Variants in DSCAM observed in about 807,000 individuals in gnomAD.
The protein encoded by DSCAM is DS cell adhesion molecule.
Under a neutral mutation model 217.7 loss-of-function variants are expected in DSCAM, and 47 were observed. The observed-to-expected ratio is 0.22, with a 90% CI of 0.17 to 0.28. The LOEUF is 0.28. Among genes scored for constraint, DSCAM ranks in the 10% least tolerant of loss-of-function variants. The pLI, the probability that DSCAM is intolerant of heterozygous loss-of-function variation, is 1.00. For missense variants in DSCAM, 2,080 were observed against 2,618.3 expected (o/e 0.79, Z 4.49); for synonymous variants, 1,056 against 1,015.3 (o/e 1.04, Z -0.76).
At chr21:40,114,592 A>T (rs2089943863) in intron 20 of DSCAM, among the ~76,000 whole-genome samples, 1 of 152,232 alleles carries the variant, frequency 6.6e-6, no homozygotes. Context: ...GAGCTTCTGC[A>T]CAGCAAAAGA....
intron 11 of DSCAM, among the ~76,000 whole-genome samples, chr21:40,208,578 G>A (rs2091150136): frequency 6.6e-6 from 1 of 152,166 alleles, no homozygotes; most frequent in Non-Finnish European, 1.5e-5. Context: ...AGTGCTGCAT[G>A]CTCTCATATT....
At chr21:40,329,300 A>G (rs896258971) in intron 8 of DSCAM, among the ~76,000 whole-genome samples, 2 of 152,216 alleles carry the variant, frequency 1.3e-5, no homozygotes, top group South Asian at 2.1e-4. Flanking sequence ...ATTAAAAAAT[A>G]TATGGTATAC....
intron 3 of DSCAM, among the ~76,000 whole-genome samples, chr21:40,684,738 A>G (rs1311245355): frequency 6.6e-6 from 1 of 152,176 alleles, no homozygotes; most frequent in Non-Finnish European, 1.5e-5. Flanking sequence ...TAGCTTGTCG[A>G]TAATAATAAT....
chr21:40,580,544 A>C (rs543206506), intron 3 of DSCAM, among the ~76,000 whole-genome samples: 2 of 152,084 alleles, frequency 1.3e-5, no homozygotes, highest in African/African-American at 4.8e-5. Context: ...GTCTCAAAAA[A>C]AAACAAAACA....
intron 3 of DSCAM, among the ~76,000 whole-genome samples, chr21:40,503,961 G>T (rs895853603): frequency 2.0e-5 from 3 of 152,134 alleles, no homozygotes; most frequent in African/African-American, 4.8e-5. Flanking sequence ...CTGACTAGTG[G>T]AACCTCTCTT....
At chr21:40,627,478 G>A (rs2089617283) in intron 3 of DSCAM, among the ~76,000 whole-genome samples, 1 of 152,168 alleles carries the variant, frequency 6.6e-6, no homozygotes, top group Non-Finnish European at 1.5e-5. Context: ...TTAAAAGCTA[G>A]TAATTTTCTT....
At chr21:40,827,482 A>AAG (rs149491316) in intron 1 of DSCAM, among the ~76,000 whole-genome samples, 8,508 of 137,062 alleles carry the variant, frequency 0.062, 304 homozygotes, top group South Asian at 0.11. Context: ...AAAAAAAAAA[A>AAG]AAAAGAAAAG....
chr21:40,338,176 C>T lies in DSCAM; in HGVS notation c.1708G>A (p.Glu570Lys), dbSNP rs2074448541. The T allele has an allele frequency of 6.2e-7, 1 of 1,614,276 alleles. No individual in the cohort carries two copies. The highest frequency in any genetic ancestry group is 8.5e-7 in the Non-Finnish European group (1 of 1,180,052). The change falls in exon 8 of 33, where the codon GAG (glutamate) becomes AAG (lysine). Residue 570 changes from glutamate (E) to lysine (K), a missense_variant. Around this residue, in one of 5 missense-constraint regions of DSCAM, gnomAD observed 218 missense variants for 364.1 expected, o/e 0.60. Coordinates refer to ENST00000400454, the MANE Select transcript of DSCAM (RefSeq NM_001389.5). ...KLSDVQKEVD[E>K]GEYTCNVLVQ... The stretch of plus-strand genomic sequence containing the variant: ...AACACGTTGCACGTGTACTCCCCCT[C>T]GTCCACTTCCTTTTGCACATCTGAA...
intron 3 of DSCAM, among the ~76,000 whole-genome samples, chr21:40,661,244 G>A (rs1292384474): frequency 6.6e-6 from 1 of 152,148 alleles, no homozygotes; most frequent in African/African-American, 2.4e-5. Flanking sequence ...CGTTGCAGAG[G>A]TTTCAAGATG....
Position 40,332,955 on chromosome 21 carries a change from G to T in DSCAM, c.1783+5146C>A, listed in dbSNP as rs570080110. Among the ~76,000 whole-genome samples, 9 of 152,190 alleles carry T rather than the reference G, an allele frequency of 5.9e-5. No individual in the cohort carries two copies. In the East Asian group the frequency reaches 1.7e-3, roughly 29 times the overall value. ...TTCCGCTATATCCAGTATTTAAAACGAACCTCCTGGGGACAAGATAACAAT... is the reference window on the plus strand; with the variant it reads ...TTCCGCTATATCCAGTATTTAAAACTAACCTCCTGGGGACAAGATAACAAT... On this transcript the variant is annotated intron_variant, in intron 8 of 32. Coordinates refer to ENST00000400454, the MANE Select transcript of DSCAM (RefSeq NM_001389.5).
chr21:40,181,182 G>T (rs1393062393), intron 14 of DSCAM, among the ~76,000 whole-genome samples: 1 of 151,810 alleles, frequency 6.6e-6, no homozygotes, highest in African/African-American at 2.4e-5. Flanking sequence ...TTACGCCTAA[G>T]AACTTTTTTA....
intron 10 of DSCAM, among the ~76,000 whole-genome samples, chr21:40,295,574 A>C (rs1420209696): frequency 6.6e-6 from 1 of 152,194 alleles, no homozygotes; most frequent in African/African-American, 2.4e-5. Flanking sequence ...GATGACGTGT[A>C]ATCTGTATAT....
At chr21:40,555,583 C>A (rs2076664914) in intron 3 of DSCAM, among the ~76,000 whole-genome samples, 1 of 152,258 alleles carries the variant, frequency 6.6e-6, no homozygotes, top group African/African-American at 2.4e-5. Context: ...AACGTTTATT[C>A]TAAATGTGAA....
chr21:40,342,648 A>AT lies in DSCAM; in HGVS notation c.1211-3234dup, dbSNP rs1202355440. 2.3e-3 allele frequency among the ~76,000 whole-genome samples: 184 copies of AT among 80,308 alleles called. 2 individuals carry two copies. Among genetic ancestry groups the AT allele is most frequent in the African/African-American group, 5.2e-3 (99 of 19,186 alleles). The allele number at this position is 80,308 out of a possible 152,430, so 52.7% of individuals were successfully genotyped here. On this transcript the variant is annotated intron_variant, in intron 6 of 32. Coordinates refer to ENST00000400454, the MANE Select transcript of DSCAM (RefSeq NM_001389.5). ...TGTGTATATATATATATATATATATATTTTTTTTTTTTTTTTGAGACAGTG... is the reference window on the plus strand; with the variant it reads ...TGTGTATATATATATATATATATATATTTTTTTTTTTTTTTTTGAGACAGTG...
chr21:40,135,440 AG>A (rs534443882), intron 18 of DSCAM, among the ~76,000 whole-genome samples: 17 of 152,234 alleles, frequency 1.1e-4, no homozygotes, highest in Non-Finnish European at 2.1e-4. Context: ...TTTACAGACA[AG>A]GAAGTCGAGG....
At chr21:40,469,935 C>G (rs368264544) in intron 3 of DSCAM, among the ~76,000 whole-genome samples, 208 of 152,212 alleles carry the variant, frequency 1.4e-3, no homozygotes, top group African/African-American at 4.3e-3. Flanking sequence ...GTGGAAAAAA[C>G]GGTTTTAGAA....
intron 3 of DSCAM, among the ~76,000 whole-genome samples, chr21:40,547,065 G>T (rs571702659): frequency 1.4e-4 from 22 of 152,208 alleles, no homozygotes; most frequent in African/African-American, 5.1e-4. Flanking sequence ...ACAGAGCCAA[G>T]AGCAGCCCAA....
chr21:40,815,126 T>C (rs2091869549), intron 1 of DSCAM, among the ~76,000 whole-genome samples: 2 of 152,130 alleles, frequency 1.3e-5, no homozygotes, highest in Admixed American at 1.3e-4. Context: ...GGAGAAGTCA[T>C]TCTCAACCTT....
At chr21:40,365,025 T>C (rs372182227) in intron 4 of DSCAM, among the ~76,000 whole-genome samples, 6 of 150,742 alleles carry the variant, frequency 4.0e-5, no homozygotes, top group East Asian at 1.9e-4. Context: ...CTTATCCCAC[T>C]ATATATGCTA....
Sources: gnomAD v4.1 joint callset for allele counts (sites outside exome capture counted in the v4.1 genomes callset) on GRCh38, gnomAD v4.1.1 for gene constraint, gnomAD v4.1.1 regional missense constraint, MANE v1.5 for transcripts, NCBI Gene and HGNC (gene_info 2026-07-23, HGNC 2026-07-21) for gene names.